LITAF: variants seen among roughly 807,000 people sequenced by gnomAD.
LITAF encodes lipopolysaccharide-induced tumor necrosis factor-alpha factor.
In LITAF, 9 loss-of-function variants were observed where a neutral mutation model predicts 14.5. The observed-to-expected ratio is 0.62, with a 90% CI of 0.37 to 1.08. LITAF has a LOEUF of 1.08. Among genes scored for constraint, LITAF ranks in the 50% least tolerant of loss-of-function variants. The pLI is 0.01. For synonymous variants in LITAF, 98 were observed against 88.2 expected (o/e 1.11, Z -0.62); for missense variants, 206 against 213.4 (o/e 0.97, Z 0.22).
rs114760117 is a variant in LITAF, at chr16:11,630,158, G to A, written c.85+3375C>T. On this transcript the variant is annotated intron_variant, in intron 3 of 3. Transcript: ENST00000574848. The stretch of plus-strand genomic sequence containing the variant: ...GATAGGAACCAGACCCCTGGCGTTG[G>A]GGGGGCTCCAAACCTCTGTGTTTGG... 9.6e-3 allele frequency among the ~76,000 whole-genome samples: 1,463 copies of A among 152,216 alleles called. 15 individuals are homozygous for A. The highest frequency in any genetic ancestry group is 0.031 in the African/African-American group (1,280 of 41,518).
At chr16:11,625,606 C>A (rs532106404) in intron 3 of LITAF, among the ~76,000 whole-genome samples, 1 of 152,310 alleles carries the variant, frequency 6.6e-6, no homozygotes, top group Admixed American at 6.5e-5. Flanking sequence ...CAGCATCAGC[C>A]TCTGGGGGAA....
chr16:11,551,066 ACAGG>A (rs2064174776), intron 3 of LITAF, among the ~76,000 whole-genome samples: 1 of 152,192 alleles, frequency 6.6e-6, no homozygotes, highest in African/African-American at 2.4e-5. Flanking sequence ...TTTGGCACAC[ACAGG>A]CAGGAACCTC....
At chr16:11,576,554 A>AAAAAAAAAAAAAAAAAAAAGAC (rs1555469756) in intron 1 of LITAF, among the ~76,000 whole-genome samples, 12 of 116,654 alleles carry the variant, frequency 1.0e-4, no homozygotes, top group African/African-American at 3.7e-4. Context: ...AAAAAAAAAA[A>AAAAAAAAAAAAAAAAAAAAGAC]AGAGAGAGAG....
chr16:11,589,171 G>A (rs748650060), upstream of LITAF, among the ~76,000 whole-genome samples: 4 of 152,096 alleles, frequency 2.6e-5, no homozygotes, highest in Non-Finnish European at 5.9e-5. Context: ...TCCAACCAGG[G>A]GGTAAAAGTA....
chr16:11,577,444 A>G (rs895624478), intron 1 of LITAF, among the ~76,000 whole-genome samples: 2 of 150,356 alleles, frequency 1.3e-5, no homozygotes, highest in African/African-American at 2.5e-5. Context: ...CAGCCTCCCG[A>G]GTAGCCGAGA....
At chr16:11,602,216 G>T (rs1283612264), upstream of LITAF, among the ~76,000 whole-genome samples, 2 of 152,060 alleles carry the variant, frequency 1.3e-5, no homozygotes, top group Admixed American at 6.6e-5. Context: ...AAATTAGCTG[G>T]GTGTGGTGAC....
At chr16:11,575,050 A>G (rs1315808820) in intron 1 of LITAF, among the ~76,000 whole-genome samples, 2 of 151,840 alleles carry the variant, frequency 1.3e-5, no homozygotes, top group Admixed American at 6.6e-5. Flanking sequence ...TGATCCGCCC[A>G]CCTCGGCCTC....
chr16:11,569,448 C>G (rs57074848), intron 1 of LITAF, among the ~76,000 whole-genome samples: 9 of 151,964 alleles, frequency 5.9e-5, no homozygotes, highest in African/African-American at 2.2e-4. Flanking sequence ...CGCCATGTTG[C>G]CCAGGCTGGT....
chr16:11,574,760 C>T (rs1233525704), intron 1 of LITAF, among the ~76,000 whole-genome samples: 3 of 151,690 alleles, frequency 2.0e-5, no homozygotes, highest in Non-Finnish European at 2.9e-5. Flanking sequence ...CTATATCAAC[C>T]CCAAAATTTG....
intron 3 of LITAF, among the ~76,000 whole-genome samples, chr16:11,626,589 C>T (rs549856061): frequency 1.1e-4 from 17 of 152,274 alleles, no homozygotes; most frequent in African/African-American, 4.1e-4. Flanking sequence ...CTGCTGGCCT[C>T]GGCCTCCCAA....
chr16:11,638,887 ATT>A (rs141585454), upstream of LITAF, among the ~76,000 whole-genome samples: 1 of 146,838 alleles, frequency 6.8e-6, no homozygotes. Flanking sequence ...TAACCTGTGT[ATT>A]TTTTTTTTTG....
intron 3 of LITAF, among the ~76,000 whole-genome samples, chr16:11,613,910 C>G (rs1052440539): frequency 3.9e-5 from 6 of 152,160 alleles, no homozygotes; most frequent in Non-Finnish European, 8.8e-5. Context: ...TTCCTTATCT[C>G]TAAAACGGAA....
chr16:11,616,064 C>A (rs1008071153), intron 3 of LITAF, among the ~76,000 whole-genome samples: 3 of 152,212 alleles, frequency 2.0e-5, no homozygotes, highest in Non-Finnish European at 4.4e-5. Flanking sequence ...CCAAATACAT[C>A]CACTACCTGG....
chr16:11,617,172 C>A (rs927866689), intron 3 of LITAF, among the ~76,000 whole-genome samples: 14 of 151,930 alleles, frequency 9.2e-5, no homozygotes, highest in Non-Finnish European at 1.8e-4. Flanking sequence ...GTGAGCCGAG[C>A]TCACACGAAT....
intron 1 of LITAF, among the ~76,000 whole-genome samples, chr16:11,557,379 G>A (rs534101495): frequency 1.3e-5 from 2 of 152,232 alleles, no homozygotes; most frequent in South Asian, 4.2e-4. Context: ...ACAGAGGTAT[G>A]TTCAGTCTGT....
chr16:11,605,347 G>A lies in LITAF; in HGVS notation c.85+28186C>T, dbSNP rs978337994. ...TGGCTATGTCTTCAGAAACCCCCAC[G>A]AGGCCCAGGATTCCTCCCAGGCGGG... On this transcript the variant is annotated intron_variant, in intron 3 of 3. Coordinates refer to the LITAF transcript ENST00000574848. The surrounding 1 kb of genome is among the most constrained non-coding windows in gnomAD (Gnocchi z 4.7). Among the ~76,000 whole-genome samples the A allele has an allele frequency of 6.6e-6, 1 of 152,100 alleles. No homozygotes were observed. The highest frequency in any genetic ancestry group is 1.5e-5 in the Non-Finnish European group (1 of 67,992).
At chr16:11,577,013 G>A (rs1356687146) in intron 1 of LITAF, among the ~76,000 whole-genome samples, 1 of 152,152 alleles carries the variant, frequency 6.6e-6, no homozygotes, top group Non-Finnish European at 1.5e-5. Flanking sequence ...CGCTTTTCAT[G>A]CCTGTTTCAC....
chr16:11,575,082 CG>C (rs1210597933), intron 1 of LITAF, among the ~76,000 whole-genome samples: 1 of 152,128 alleles, frequency 6.6e-6, no homozygotes, highest in African/African-American at 2.4e-5. Context: ...GCATTACAGG[CG>C]TGAGCCACTG....
At chr16:11,593,545 G>T (rs1208843232) in intron 1 of LITAF, among the ~76,000 whole-genome samples, 7 of 152,116 alleles carry the variant, frequency 4.6e-5, no homozygotes, top group Admixed American at 4.6e-4. Flanking sequence ...GTTCATAGCA[G>T]CACTATTCCC....
Sources: allele counts gnomAD v4.1 joint callset (sites outside exome capture counted in the v4.1 genomes callset), GRCh38; gene constraint gnomAD v4.1.1; non-coding constraint Gnocchi (gnomAD v3.1); transcripts MANE v1.5; gene names NCBI Gene and HGNC (gene_info 2026-07-23, HGNC 2026-07-21).